Variants in C2orf42 observed in about 807,000 individuals in gnomAD.
The protein encoded by C2orf42 is chromosome 2 open reading frame 42.
In C2orf42, 44 loss-of-function variants were observed where a neutral mutation model predicts 58.9. The ratio of observed to expected loss-of-function variants is 0.75; its 90% CI spans 0.59 to 0.96. The LOEUF is 0.96. Among genes scored for constraint, C2orf42 ranks in the 40% least tolerant of loss-of-function variants. The probability of loss-of-function intolerance (pLI) is 0.00; values close to 1 mark genes in which losing one functional copy is unlikely to be tolerated. For missense variants in C2orf42, 630 were observed against 699.2 expected (o/e 0.90, Z 1.12); for synonymous variants, 239 against 265.4 (o/e 0.90, Z 0.97).
At chr2:70,187,624 T>C (rs1315495231) in intron 1 of C2orf42, among the ~76,000 whole-genome samples, 1 of 152,152 alleles carries the variant, frequency 6.6e-6, no homozygotes, top group East Asian at 1.9e-4. Flanking sequence ...AATCCATATT[T>C]CTTTATTAAA....
chr2:70,151,697 A>C (rs931460731), intron 9 of C2orf42, among the ~76,000 whole-genome samples: 2 of 152,148 alleles, frequency 1.3e-5, no homozygotes, highest in African/African-American at 4.8e-5. Context: ...ATACATTTTT[A>C]TATTATAAAA....
At chr2:70,184,363 G>T (rs1199325006) in intron 1 of C2orf42, among the ~76,000 whole-genome samples, 1 of 151,872 alleles carries the variant, frequency 6.6e-6, no homozygotes, top group Non-Finnish European at 1.5e-5. Flanking sequence ...TTTTAGTAGA[G>T]ATGTGGTTTC....
intron 6 of C2orf42, among the ~76,000 whole-genome samples, chr2:70,166,634 C>G (rs766936735): frequency 2.6e-5 from 4 of 151,836 alleles, no homozygotes; most frequent in African/African-American, 7.3e-5. Context: ...CGAGATCATG[C>G]CACTGCACTC....
intron 5 of C2orf42, among the ~76,000 whole-genome samples, chr2:70,172,364 A>C (rs1464493591): frequency 2.0e-5 from 3 of 151,916 alleles, no homozygotes; most frequent in Non-Finnish European, 4.4e-5. Flanking sequence ...CCACAGATCT[A>C]TCATTCTATT....
intron 5 of C2orf42, among the ~76,000 whole-genome samples, chr2:70,174,887 G>A (rs1339788073): frequency 1.3e-5 from 2 of 151,356 alleles, no homozygotes; most frequent in African/African-American, 4.9e-5. Flanking sequence ...GGCCAGACTG[G>A]TCTCAAACTC....
At chr2:70,173,793 G>GT (rs904361050) in intron 5 of C2orf42, among the ~76,000 whole-genome samples, 3 of 150,306 alleles carry the variant, frequency 2.0e-5, no homozygotes, top group Admixed American at 1.3e-4. Flanking sequence ...ATTTTTTTTT[G>GT]TTTTTTGTGT....
chr2:70,187,220 T>C (rs994195519), intron 1 of C2orf42, among the ~76,000 whole-genome samples: 7 of 152,074 alleles, frequency 4.6e-5, no homozygotes, highest in Non-Finnish European at 1.0e-4. Flanking sequence ...GCATCAACAA[T>C]GGAGTTCCAC....
chr2:70,151,790 GTTTGTTT>G (rs1175363769), intron 9 of C2orf42, among the ~76,000 whole-genome samples: 1 of 151,826 alleles, frequency 6.6e-6, no homozygotes, highest in African/African-American at 2.4e-5. Flanking sequence ...TTGTTTGTTT[GTTTGTTT>G]TTTGAGATGG....
At chr2:70,153,422 G>A (rs1422453871) in intron 9 of C2orf42, among the ~76,000 whole-genome samples, 3 of 148,118 alleles carry the variant, frequency 2.0e-5, no homozygotes, top group Non-Finnish European at 4.5e-5. Context: ...GTAGTGGTGC[G>A]ATCTCGGCTC....
chr2:70,155,841 C>G (rs1219595838), intron 9 of C2orf42, among the ~76,000 whole-genome samples: 4 of 149,530 alleles, frequency 2.7e-5, no homozygotes, highest in African/African-American at 9.9e-5. Context: ...AAATTAAACA[C>G]TAGCAGAACT....
intron 9 of C2orf42, among the ~76,000 whole-genome samples, chr2:70,155,205 T>C (rs1362371400): frequency 6.6e-6 from 1 of 151,780 alleles, no homozygotes; most frequent in Non-Finnish European, 1.5e-5. Flanking sequence ...ATCGCACCAC[T>C]GCACTCCAGC....
At chr2:70,177,253 CAA>C (rs1198294020) in intron 4 of C2orf42, among the ~76,000 whole-genome samples, 1 of 149,802 alleles carries the variant, frequency 6.7e-6, no homozygotes. Flanking sequence ...GCCTGGGAAA[CAA>C]GAGCCGAACT....
intron 9 of C2orf42, among the ~76,000 whole-genome samples, chr2:70,150,987 G>A (rs1221226576): frequency 1.3e-5 from 2 of 152,094 alleles, no homozygotes; most frequent in African/African-American, 2.4e-5. Context: ...CTTGTGATCC[G>A]CCCACCTCAG....
At chr2:70,166,236 C>T (rs549936100) in intron 6 of C2orf42, among the ~76,000 whole-genome samples, 17 of 151,580 alleles carry the variant, frequency 1.1e-4, no homozygotes, top group African/African-American at 3.9e-4. Flanking sequence ...CACCTGCTGT[C>T]CCAGCTACTT....
At chr2:70,178,379 G>A (rs1200401510) in intron 4 of C2orf42, among the ~76,000 whole-genome samples, 1 of 152,136 alleles carries the variant, frequency 6.6e-6, no homozygotes. Flanking sequence ...GGCCAAGGCG[G>A]GTGGATCACC....
chr2:70,164,728 T>C (rs1459957983), intron 8 of C2orf42, among the ~76,000 whole-genome samples: 1 of 152,166 alleles, frequency 6.6e-6, no homozygotes, highest in Non-Finnish European at 1.5e-5. Flanking sequence ...TGCCACTGAC[T>C]TCACAAATAT....
intron 9 of C2orf42, among the ~76,000 whole-genome samples, chr2:70,152,525 C>G (rs916806933): frequency 3.1e-4 from 47 of 152,272 alleles, no homozygotes; most frequent in African/African-American, 1.0e-3. Flanking sequence ...CATAGCATAT[C>G]CCATCTTTCC....
intron 5 of C2orf42, among the ~76,000 whole-genome samples, chr2:70,170,746 TA>T (rs11344008): frequency 0.25 from 32,650 of 131,438 alleles, 4,928 homozygotes; most frequent in African/African-American, 0.43. Flanking sequence ...AGTGAGACTC[TA>T]AAAAAAAAAA....
In C2orf42 at chr2:70,150,301, T is replaced by G. The variant is rs1672223968; in HGVS notation, c.*55A>C. ...AGTGCCTAACTAGCATTTAAAGTTGTCAAGGGGTGGGGATGTGCAAATTAA... is the reference window on the plus strand; with the variant it reads ...AGTGCCTAACTAGCATTTAAAGTTGGCAAGGGGTGGGGATGTGCAAATTAA... On this transcript the variant is annotated 3_prime_UTR_variant, in exon 10 of 10. Coordinates refer to ENST00000264434, the MANE Select transcript of C2orf42 (RefSeq NM_017880.3). 2.7e-6 allele frequency: 4 copies of G among 1,489,082 alleles called. No homozygotes were observed. In the African/African-American group the frequency reaches 5.5e-5, roughly 21 times the overall value. The allele number at this position is 1,489,082 out of a possible 1,614,324, so 92.2% of individuals were successfully genotyped here. A position where few individuals can be genotyped will look rare whatever the true frequency, so the allele number is the denominator to read the frequency against.
Sources: gnomAD v4.1 joint callset for allele counts (sites outside exome capture counted in the v4.1 genomes callset) on GRCh38, gnomAD v4.1.1 for gene constraint, MANE v1.5 for transcripts, NCBI Gene and HGNC (gene_info 2026-07-23, HGNC 2026-07-21) for gene names.